Variants in CPEB3 observed in about 807,000 individuals in gnomAD.
The protein encoded by CPEB3 is cytoplasmic polyadenylation element binding protein 3, also known as cytoplasmic polyadenylation element-binding protein 3.
In CPEB3, 20 loss-of-function variants were observed where a neutral mutation model predicts 67.2. The observed-to-expected ratio is 0.30, with a 90% confidence interval of 0.21 to 0.43. CPEB3 has a LOEUF of 0.43. CPEB3 is among the 20% of genes least tolerant of loss of function. The pLI is 1.00. For synonymous variants in CPEB3, 376 were observed against 393.1 expected, an observed-to-expected ratio of 0.96 and a Z score of 0.51; for missense variants, 746 against 968.6, an observed-to-expected ratio of 0.77 and a Z score of 3.05.
intron 6 of CPEB3, 34 bp from the exon 7 acceptor site, chr10:92,111,228 G>T (rs1472761647): frequency 1.5e-6 from 2 of 1,314,500 alleles, no homozygotes; most frequent in South Asian, 2.4e-5. Flanking sequence ...GGTAGAGGAA[G>T]AATCAGTACA....
rs1851329001 is a variant in CPEB3, at chr10:92,232,702, G to A, written c.1005+6644C>T. Among the ~76,000 whole-genome samples the A allele has an allele frequency of 2.0e-5, 3 of 150,714 alleles. No individual in the cohort carries two copies. In the South Asian group the frequency reaches 6.3e-4, roughly 32 times the overall value. On this transcript the variant is annotated intron_variant, in intron 2 of 9. Transcript: ENST00000265997. ...GAACCCGGGAGGCAGAGGTTGCAGTGAGCAGAGACCGTGCCACTGCATTCC... is the reference window on the plus strand; with the variant it reads ...GAACCCGGGAGGCAGAGGTTGCAGTAAGCAGAGACCGTGCCACTGCATTCC...
At chr10:92,280,753 CTTTTTTTTTTTT>C (rs948586177) in intron 1 of CPEB3, among the ~76,000 whole-genome samples, 1 of 91,668 alleles carries the variant, frequency 1.1e-5, no homozygotes, top group Non-Finnish European at 2.0e-5. Flanking sequence ...AGCATCTATT[CTTTTTTTTTTTT>C]TTTTTTTTTT....
chr10:92,212,663 C>T (rs76263742), intron 2 of CPEB3, among the ~76,000 whole-genome samples: 48 of 152,114 alleles, frequency 3.2e-4, no homozygotes, highest in African/African-American at 1.1e-3. Context: ...AAGTACCCAC[C>T]GGATTTCAAA....
intron 1 of CPEB3, among the ~76,000 whole-genome samples, chr10:92,268,778 C>T (rs1853172546): frequency 6.6e-6 from 1 of 152,052 alleles, no homozygotes; most frequent in Non-Finnish European, 1.5e-5. Flanking sequence ...CAGAACAAAA[C>T]GTTACAGACA....
intron 9 of CPEB3, among the ~76,000 whole-genome samples, chr10:92,058,267 C>T (rs1417580295): frequency 2.0e-5 from 3 of 152,040 alleles, no homozygotes; most frequent in Admixed American, 6.6e-5. Flanking sequence ...ATATTCGGGC[C>T]GGGCACAGTG....
At chr10:92,117,115 C>T (rs1845070951) in intron 6 of CPEB3, among the ~76,000 whole-genome samples, 1 of 151,948 alleles carries the variant, frequency 6.6e-6, no homozygotes, top group Admixed American at 6.6e-5. Context: ...ACCTCCGCCT[C>T]CCAGGTTCAA....
At chr10:92,255,787 A>G (rs1852490041) in intron 1 of CPEB3, among the ~76,000 whole-genome samples, 1 of 152,208 alleles carries the variant, frequency 6.6e-6, no homozygotes, top group African/African-American at 2.4e-5. Flanking sequence ...TTCATTTAAG[A>G]TACTGCTCTC....
chr10:92,143,246 C>G, intron 5 of CPEB3, 128 bp from the exon 6 acceptor site: 1 of 598,504 alleles, frequency 1.7e-6, no homozygotes. Flanking sequence ...AGCATCTTTA[C>G]GGAAGTGAAA....
chr10:92,212,277 C>CA (rs1369090337), intron 2 of CPEB3, among the ~76,000 whole-genome samples: 7 of 144,592 alleles, frequency 4.8e-5, no homozygotes, highest in Non-Finnish European at 1.0e-4. Context: ...AGTGGTACAA[C>CA]AAGACAGTGT....
rs577111229 is a variant in CPEB3, at chr10:92,148,721, T to C, written c.1223-3636A>G. ...AAGGAAAACAGTAAGTGAAAAGGCA[T>C]GTGGCTGCAAATCTATGATGAAACA... On this transcript the variant is annotated intron_variant, in intron 4 of 9. Coordinates refer to ENST00000265997, the MANE Select transcript of CPEB3 (RefSeq NM_014912.5). Among the ~76,000 whole-genome samples, 39 of 152,284 alleles carry C rather than the reference T, an allele frequency of 2.6e-4. 1 individual carries two copies. The South Asian group carries it at 8.1e-3, about 32-fold the overall frequency.
At chr10:92,148,943 C>A (rs1846826474) in intron 4 of CPEB3, among the ~76,000 whole-genome samples, 1 of 149,434 alleles carries the variant, frequency 6.7e-6, no homozygotes, top group East Asian at 1.9e-4. Context: ...CTCTGTCACC[C>A]AAGCTGAAGC....
intron 8 of CPEB3, among the ~76,000 whole-genome samples, chr10:92,089,553 G>A (rs1212697836): frequency 6.6e-6 from 1 of 152,114 alleles, no homozygotes; most frequent in Non-Finnish European, 1.5e-5. Context: ...TTGGGAGGCC[G>A]AGGCGGGTGA....
intron 7 of CPEB3, among the ~76,000 whole-genome samples, chr10:92,098,249 G>T (rs1590130871): frequency 7.8e-6 from 1 of 127,626 alleles, no homozygotes; most frequent in South Asian, 2.7e-4. Context: ...TATTTCCATA[G>T]ACCCCATTTT....
At chr10:92,132,782 G>A (rs79382193) in intron 6 of CPEB3, among the ~76,000 whole-genome samples, 1 of 152,112 alleles carries the variant, frequency 6.6e-6, no homozygotes, top group Admixed American at 6.5e-5. Flanking sequence ...GCACTCCTCA[G>A]CAAATGTGAA....
Position 92,049,847 on chromosome 10 carries a change from ATTATAG to A in CPEB3, c.*2359_*2364del, listed in dbSNP as rs1852226947. 6.6e-6 allele frequency: 1 copy of A among 152,642 alleles called. No individual in the cohort carries two copies. Among genetic ancestry groups the A allele is most frequent in the Admixed American group, 6.5e-5 (1 of 15,276 alleles). The allele number at this position is 152,642 out of a possible 1,614,324, so 9.5% of individuals were successfully genotyped here. On this transcript the variant is annotated 3_prime_UTR_variant, in exon 10 of 10. Coordinates refer to ENST00000265997, the MANE Select transcript of CPEB3 (RefSeq NM_014912.5). Reference sequence around the variant, plus strand: ...CTGTAGGTTAGATATGATCTTTAATATTATAGTTATAAAGCTCTAACTTCTTCATTT... The same window carrying A: ...CTGTAGGTTAGATATGATCTTTAATATTATAAAGCTCTAACTTCTTCATTT...
chr10:92,277,747 C>T (rs962610445), intron 1 of CPEB3, among the ~76,000 whole-genome samples: 4 of 151,354 alleles, frequency 2.6e-5, no homozygotes, highest in South Asian at 2.1e-4. Context: ...AAAAATCAGC[C>T]GGGCATGGTG....
chr10:92,071,566 C>T (rs1051213120), intron 9 of CPEB3, among the ~76,000 whole-genome samples: 1 of 151,788 alleles, frequency 6.6e-6, no homozygotes, highest in Admixed American at 6.6e-5. Context: ...TCCATCTCTA[C>T]TAAGAACTAC....
intron 7 of CPEB3, among the ~76,000 whole-genome samples, chr10:92,100,496 G>T (rs1334133013): frequency 1.3e-5 from 2 of 152,022 alleles, no homozygotes; most frequent in Admixed American, 1.3e-4. Context: ...GGCTGGTCTC[G>T]AACTCCTGAC....
At chr10:92,068,203 G>C (rs1243230566) in intron 9 of CPEB3, among the ~76,000 whole-genome samples, 1 of 152,170 alleles carries the variant, frequency 6.6e-6, no homozygotes, top group Non-Finnish European at 1.5e-5. Context: ...ATGTTTTCAT[G>C]AAACACAGAG....
Sources: allele counts gnomAD v4.1 joint callset (sites outside exome capture counted in the v4.1 genomes callset), GRCh38; gene constraint gnomAD v4.1.1; transcripts MANE v1.5; gene names NCBI Gene and HGNC (gene_info 2026-07-23, HGNC 2026-07-21).